Variants in TRPM3 observed in about 807,000 individuals in gnomAD.
The protein encoded by TRPM3 is transient receptor potential cation channel subfamily M member 3, also known as long transient receptor potential channel 3.
TRPM3 carries 77 observed loss-of-function variants against 181.2 expected under a neutral mutation model. That is an observed-to-expected ratio of 0.42 (90% confidence interval 0.35 to 0.51). The LOEUF is 0.51. Among genes scored for constraint, TRPM3 ranks in the 20% least tolerant of loss-of-function variants. The probability of loss-of-function intolerance (pLI) is 0.01; values close to 1 mark genes in which losing one functional copy is unlikely to be tolerated. For missense variants in TRPM3, 1,759 were observed against 2,196.7 expected, an observed-to-expected ratio of 0.80 and a Z score of 3.98; for synonymous variants, 745 against 796.4, an observed-to-expected ratio of 0.94 and a Z score of 1.09.
intron 1 of TRPM3, among the ~76,000 whole-genome samples, chr9:71,045,262 C>T (rs1288696432): frequency 6.6e-6 from 1 of 151,942 alleles, no homozygotes; most frequent in Non-Finnish European, 1.5e-5. Context: ...TAAATGCTTT[C>T]ACCCAATCTG....
chr9:70,982,666 C>G (rs561184048), intron 1 of TRPM3, among the ~76,000 whole-genome samples: 2 of 152,322 alleles, frequency 1.3e-5, no homozygotes, highest in East Asian at 3.9e-4. Flanking sequence ...TCATCCTCCT[C>G]TCTTCAAAGA....
At chr9:70,758,333 A>G (rs2077458159) in intron 8 of TRPM3, among the ~76,000 whole-genome samples, 1 of 152,212 alleles carries the variant, frequency 6.6e-6, no homozygotes, top group Non-Finnish European at 1.5e-5. Flanking sequence ...ATAAGAAAGG[A>G]CACAAACAAA....
chr9:70,639,216 T>C, intron 10 of TRPM3, 22 bp from the exon 11 acceptor site: 2 of 1,612,918 alleles, frequency 1.2e-6, no homozygotes, highest in Non-Finnish European at 1.7e-6. Flanking sequence ...GTCACTGAGT[T>C]AGTCTGCCCC....
At chr9:70,670,744 G>A (rs4131071) in intron 9 of TRPM3, among the ~76,000 whole-genome samples, 56,274 of 151,908 alleles carry the variant, frequency 0.37, 10,749 homozygotes, top group East Asian at 0.46. Context: ...AGTATAAAAC[G>A]ATTATGTGTT....
rs1739668647 is a variant in TRPM3 at position 70,843,126 on chromosome 9, A to AC, written c.677dup (p.Val227CysfsTer15). ...AGGCATCGCCAACATGACGAATAAC[A>AC]CCTAAAAAAAAAAGAGAAGCATTGA... On this transcript the variant is annotated frameshift_variant and splice_region_variant, in exon 5 of 26. Coordinates refer to ENST00000677713, the MANE Select transcript of TRPM3 (RefSeq NM_001366145.2). LOFTEE classifies it high-confidence loss of function. 1 of 1,524,376 alleles carries AC rather than the reference A, an allele frequency of 6.6e-7. No individual in the cohort carries two copies. The highest frequency in any genetic ancestry group is 1.2e-5 in the South Asian group (1 of 85,308). The allele number at this position is 1,524,376 out of a possible 1,614,324, so 94.4% of individuals were successfully genotyped here. A position where few individuals can be genotyped will look rare whatever the true frequency, so the allele number is the denominator to read the frequency against.
In TRPM3 at chr9:70,604,964, C is replaced by CTTT. The variant is rs5898151; in HGVS notation, c.2668-1497_2668-1495dup. On this transcript the variant is annotated intron_variant, in intron 19 of 25. Transcript: ENST00000677713. ...ACCATGCTCAGCTGAATGGATTCTT[C>CTTT]TTTTTTTTTGGAGACTGAGTCTCAC... Among the ~76,000 whole-genome samples, 64 of 129,934 alleles carry CTTT rather than the reference C, an allele frequency of 4.9e-4. 1 individual carries two copies. In the Middle Eastern group the frequency reaches 0.013, roughly 26 times the overall value. The allele number at this position is 129,934 out of a possible 152,430, so 85.2% of individuals were successfully genotyped here.
intron 1 of TRPM3, among the ~76,000 whole-genome samples, chr9:71,107,394 C>G (rs2069922899): frequency 6.6e-6 from 1 of 152,140 alleles, no homozygotes. Context: ...TCAAGGAAAC[C>G]TTGCCCATCT....
chr9:71,098,143 T>G (rs1353131219), intron 1 of TRPM3, among the ~76,000 whole-genome samples: 2 of 152,176 alleles, frequency 1.3e-5, no homozygotes, highest in African/African-American at 4.8e-5. Context: ...TATCTCTTAT[T>G]AGCCCCTTTA....
chr9:71,161,132 G>A (rs1162138038), intron 1 of TRPM3, among the ~76,000 whole-genome samples: 1 of 152,096 alleles, frequency 6.6e-6, no homozygotes, highest in Non-Finnish European at 1.5e-5. Context: ...ATTAGTCTTG[G>A]TTTTGTAAAT....
At chr9:71,339,920 G>A (rs2090837344) in intron 1 of TRPM3, among the ~76,000 whole-genome samples, 1 of 152,114 alleles carries the variant, frequency 6.6e-6, no homozygotes, top group Non-Finnish European at 1.5e-5. Context: ...ATGGAATTCA[G>A]ACAGTGTCAA....
intron 1 of TRPM3, among the ~76,000 whole-genome samples, chr9:71,196,866 T>A (rs1399439711): frequency 6.6e-6 from 1 of 151,074 alleles, no homozygotes; most frequent in Non-Finnish European, 1.5e-5. Flanking sequence ...TGGGCCTTTC[T>A]TTTTATTTTA....
chr9:71,380,139 C>T (rs2092764174), intron 1 of TRPM3, among the ~76,000 whole-genome samples: 1 of 152,012 alleles, frequency 6.6e-6, no homozygotes. Context: ...AAGGGACCTT[C>T]ATTTTTCCTC....
At chr9:71,422,164 G>A (rs755224883) in intron 1 of TRPM3, among the ~76,000 whole-genome samples, 3 of 151,874 alleles carry the variant, frequency 2.0e-5, no homozygotes, top group African/African-American at 4.8e-5. Flanking sequence ...AGGGTAGAAG[G>A]AAAATTATTT....
chr9:71,011,464 AAAAG>A (rs1184753088), intron 1 of TRPM3, among the ~76,000 whole-genome samples: 3 of 152,136 alleles, frequency 2.0e-5, no homozygotes, highest in African/African-American at 7.2e-5. Flanking sequence ...TAAAATAAAT[AAAAG>A]AGACTACTTG....
At chr9:71,415,325 C>G (rs1174179982) in intron 1 of TRPM3, among the ~76,000 whole-genome samples, 1 of 151,998 alleles carries the variant, frequency 6.6e-6, no homozygotes, top group Non-Finnish European at 1.5e-5. Context: ...TTGTCTTAAG[C>G]TACTCAGTTT....
chr9:71,126,192 A>G (rs1289059296), upstream of TRPM3, among the ~76,000 whole-genome samples: 2 of 152,176 alleles, frequency 1.3e-5, no homozygotes, highest in Admixed American at 6.5e-5. Flanking sequence ...CCATCTCACA[A>G]CAGTCAGAAT....
At chr9:70,846,709 G>T (rs2094969961) in intron 3 of TRPM3, 118 bp from the exon 4 acceptor site, 5 of 783,930 alleles carry the variant, frequency 6.4e-6, no homozygotes, top group Non-Finnish European at 1.0e-5. Context: ...TATAAAATCA[G>T]ATTTTTTTAA....
Position 70,533,871 on chromosome 9 carries a change from C to T in TRPM3, c.*2082G>A, listed in dbSNP as rs2041229835. On this transcript the variant is annotated 3_prime_UTR_variant, in exon 26 of 26. Transcript: ENST00000677713. ...TGTGACCTCATCACAATTTTTATAC[C>T]TGAAATGCTTATTCAGAAGAGTTTT... The T allele has an allele frequency of 2.0e-5, 3 of 152,138 alleles. No individual in the cohort carries two copies. The South Asian group carries it at 6.2e-4, about 32-fold the overall frequency. 9.4% of individuals were successfully genotyped at this position (152,138 alleles called of 1,614,324 possible).
rs73647141 is a variant in TRPM3, at chr9:70,766,846, T to C, written c.1149-5122A>G. Among the ~76,000 whole-genome samples the C allele has an allele frequency of 1.5e-3, 222 of 152,386 alleles. 1 individual carries two copies. The highest frequency in any genetic ancestry group is 5.0e-3 in the African/African-American group (208 of 41,602). On this transcript the variant is annotated intron_variant, in intron 7 of 25. Coordinates refer to ENST00000677713, the MANE Select transcript of TRPM3 (RefSeq NM_001366145.2). ...GCCAGGCTGTCTGGATTTAAGCTGTTACCTGTTGGCTGTGTGATCTTTTGT... is the reference window on the plus strand; with the variant it reads ...GCCAGGCTGTCTGGATTTAAGCTGTCACCTGTTGGCTGTGTGATCTTTTGT...
Sources: allele counts gnomAD v4.1 joint callset (sites outside exome capture counted in the v4.1 genomes callset), GRCh38; gene constraint gnomAD v4.1.1; transcripts MANE v1.5; gene names NCBI Gene and HGNC (gene_info 2026-07-23, HGNC 2026-07-21).